Variants in ADAMTSL1 observed in about 807,000 individuals in gnomAD.
ADAMTSL1 encodes ADAMTS-like protein 1.
A neutral mutation model predicts 201.8 loss-of-function variants in ADAMTSL1; 126 were observed. The ratio of observed to expected loss-of-function variants is 0.62; its 90% CI spans 0.54 to 0.72. The LOEUF is 0.72. ADAMTSL1 is among the 30% of genes least tolerant of loss of function. The pLI is 0.00. For missense variants in ADAMTSL1, 2,679 were observed against 2,277.8 expected (o/e 1.18, Z -3.59); for synonymous variants, 1,121 against 903.4 (o/e 1.24, Z -4.32).
At chr9:18,744,677 T>A (rs571551065) in intron 15 of ADAMTSL1, among the ~76,000 whole-genome samples, 59 of 152,358 alleles carry the variant, frequency 3.9e-4, no homozygotes, top group Non-Finnish European at 6.0e-4. Context: ...ATTCCCATTT[T>A]AAATATGAGT....
chr9:18,518,120 A>G (rs1360409539), intron 2 of ADAMTSL1, among the ~76,000 whole-genome samples: 1 of 152,158 alleles, frequency 6.6e-6, no homozygotes, highest in Admixed American at 6.5e-5. Flanking sequence ...ACTGCAAGGG[A>G]AAAAAGTAAA....
At chr9:18,429,997 C>T (rs1057469456) in intron 2 of ADAMTSL1, among the ~76,000 whole-genome samples, 2 of 152,010 alleles carry the variant, frequency 1.3e-5, no homozygotes, top group African/African-American at 4.8e-5. Context: ...ACTATGTTGG[C>T]CAGGCTGGTC....
At position 18,300,750 on chromosome 9, in the gene ADAMTSL1, G is replaced by C. The variant is rs543656463; in HGVS notation, c.207+136769G>C. Among the ~76,000 whole-genome samples, 139 of 152,230 alleles carry C rather than the reference G, an allele frequency of 9.1e-4. 1 individual carries two copies. In the South Asian group the frequency reaches 0.011, roughly 12 times the overall value. On this transcript the variant is annotated intron_variant, in intron 2 of 29. Transcript: ENST00000680146. ...CAGGAAAAAAGCAAAGGAAATTTCT[G>C]AGATTAAGGCAAAGGGAAGTCCCAT...
intron 2 of ADAMTSL1, among the ~76,000 whole-genome samples, chr9:18,274,142 G>A (rs918007244): frequency 6.6e-6 from 1 of 152,262 alleles, no homozygotes; most frequent in Non-Finnish European, 1.5e-5. Flanking sequence ...AGAAGTGTGA[G>A]TTCTCATTCA....
intron 2 of ADAMTSL1, among the ~76,000 whole-genome samples, chr9:18,236,633 G>A (rs1830860434): frequency 6.6e-6 from 1 of 152,154 alleles, no homozygotes; most frequent in Non-Finnish European, 1.5e-5. Context: ...AAAGAGATAA[G>A]CTGCAAGGCT....
At chr9:18,900,125 GAACA>G (rs1829917996) in intron 26 of ADAMTSL1, among the ~76,000 whole-genome samples, 1 of 152,102 alleles carries the variant, frequency 6.6e-6, no homozygotes, top group African/African-American at 2.4e-5. Flanking sequence ...CAAAGGACAT[GAACA>G]GACAGTTCTC....
At chr9:18,809,929 G>T (rs113907926) in intron 20 of ADAMTSL1, among the ~76,000 whole-genome samples, 7 of 152,374 alleles carry the variant, frequency 4.6e-5, no homozygotes, top group African/African-American at 1.7e-4. Flanking sequence ...TAAAACTGTA[G>T]TGAGGGAAGA....
chr9:18,635,448 A>T (rs1827052363), intron 5 of ADAMTSL1, among the ~76,000 whole-genome samples: 1 of 152,130 alleles, frequency 6.6e-6, no homozygotes, highest in African/African-American at 2.4e-5. Flanking sequence ...ATTGTGAAGG[A>T]TATTTAAGAA....
intron 23 of ADAMTSL1, among the ~76,000 whole-genome samples, chr9:18,875,715 T>C (rs1335781312): frequency 3.9e-5 from 6 of 152,222 alleles, no homozygotes. Context: ...GAATAGAGTG[T>C]ATATTCTGCA....
At chr9:18,539,073 C>G (rs1410841016) in intron 3 of ADAMTSL1, among the ~76,000 whole-genome samples, 2 of 152,146 alleles carry the variant, frequency 1.3e-5, no homozygotes, top group Non-Finnish European at 2.9e-5. Context: ...GGGAAGTAGG[C>G]TACTAAACTT....
intron 2 of ADAMTSL1, among the ~76,000 whole-genome samples, chr9:18,172,765 A>C: frequency 6.6e-6 from 1 of 152,274 alleles, no homozygotes; most frequent in East Asian, 1.9e-4. Context: ...TACAATAAAC[A>C]CTATATAAAT....
chr9:17,946,021 G>A (rs6475192), intron 1 of ADAMTSL1, among the ~76,000 whole-genome samples: 151,469 of 151,650 alleles, frequency 1, 75,644 homozygotes, highest in Middle Eastern at 1. Context: ...CTGTATGTTC[G>A]TAATTCTTTG....
chr9:18,129,166 C>A (rs1003772669), intron 1 of ADAMTSL1, among the ~76,000 whole-genome samples: 1 of 152,176 alleles, frequency 6.6e-6, no homozygotes. Flanking sequence ...AGACAAAAGG[C>A]CTACCTGCTA....
At chr9:18,615,311 C>T (rs1375937581) in intron 4 of ADAMTSL1, among the ~76,000 whole-genome samples, 2 of 152,160 alleles carry the variant, frequency 1.3e-5, no homozygotes, top group Non-Finnish European at 2.9e-5. Context: ...GTATGCCTGC[C>T]TGTGTGGCAG....
rs141620998 is a variant in ADAMTSL1, at chr9:18,023,793, A to G, written c.87+116871A>G. ...TTTCTTGAAAGACTAATGATTTGCAATGAAAGCAAATGTGAAATTTGCTAA... is the reference window on the plus strand; with the variant it reads ...TTTCTTGAAAGACTAATGATTTGCAGTGAAAGCAAATGTGAAATTTGCTAA... On this transcript the variant is annotated intron_variant, in intron 1 of 29. Coordinates refer to the ADAMTSL1 transcript ENST00000680146. Among the ~76,000 whole-genome samples the G allele has an allele frequency of 2.6e-4, 40 of 152,312 alleles. 2 individuals carry two copies. The highest frequency in any genetic ancestry group is 9.1e-4 in the African/African-American group (38 of 41,576).
At chr9:18,581,871 G>A (rs1048658981) in intron 4 of ADAMTSL1, among the ~76,000 whole-genome samples, 1 of 152,142 alleles carries the variant, frequency 6.6e-6, no homozygotes, top group African/African-American at 2.4e-5. Context: ...TTCCCTCTCA[G>A]CTCAAGGAGG....
chr9:18,785,326 A>G (rs1429313297), intron 19 of ADAMTSL1, among the ~76,000 whole-genome samples: 1 of 152,180 alleles, frequency 6.6e-6, no homozygotes, highest in South Asian at 2.1e-4. Context: ...TTAACATTCA[A>G]TATTCTAGCC....
At chr9:18,370,722 A>G in intron 2 of ADAMTSL1, among the ~76,000 whole-genome samples, 1 of 149,858 alleles carries the variant, frequency 6.7e-6, no homozygotes, top group South Asian at 2.1e-4. Flanking sequence ...GAAAGAAAGC[A>G]CAGCTCTTTC....
chr9:18,401,035 A>G (rs1817965008), intron 2 of ADAMTSL1, among the ~76,000 whole-genome samples: 1 of 152,224 alleles, frequency 6.6e-6, no homozygotes, highest in Non-Finnish European at 1.5e-5. Context: ...AATTGACCAG[A>G]GAGAAAGTAG....
Sources: allele counts gnomAD v4.1 joint callset (sites outside exome capture counted in the v4.1 genomes callset), GRCh38; gene constraint gnomAD v4.1.1; transcripts MANE v1.5; gene names NCBI Gene and HGNC (gene_info 2026-07-23, HGNC 2026-07-21).